SLC9C2: variants seen among roughly 807,000 people sequenced by gnomAD.
The protein encoded by SLC9C2 is solute carrier family 9 member C2 (putative).
In SLC9C2, 75 loss-of-function variants were observed where a neutral mutation model predicts 140.2. That is an observed-to-expected ratio of 0.53 (90% CI 0.44 to 0.65). The LOEUF is 0.65. Among genes scored for constraint, SLC9C2 ranks in the 30% least tolerant of loss-of-function variants. The probability of loss-of-function intolerance (pLI) is 0.00; values close to 1 mark genes in which losing one functional copy is unlikely to be tolerated. For missense variants in SLC9C2, 1,074 were observed against 1,331.8 expected (o/e 0.81, Z 3.01); for synonymous variants, 375 against 420.9 (o/e 0.89, Z 1.34).
chr1:173,585,697 T>G (rs1458051634), intron 5 of SLC9C2, among the ~76,000 whole-genome samples: 1 of 152,212 alleles, frequency 6.6e-6, no homozygotes, highest in Non-Finnish European at 1.5e-5. Context: ...CCGGGTGCAG[T>G]GGCTCATGCC....
chr1:173,507,583 T>C (rs1381357920), intron 24 of SLC9C2, among the ~76,000 whole-genome samples: 1 of 152,130 alleles, frequency 6.6e-6, no homozygotes, highest in African/African-American at 2.4e-5. Context: ...TATCCTGGAA[T>C]GTGACCTTAT....
chr1:173,516,331 A>C (rs1660417094), intron 23 of SLC9C2, among the ~76,000 whole-genome samples: 1 of 152,196 alleles, frequency 6.6e-6, no homozygotes, highest in Admixed American at 6.5e-5. Context: ...TTAAGTTTTA[A>C]GTTCAGTGGT....
intron 17 of SLC9C2, among the ~76,000 whole-genome samples, chr1:173,530,273 C>T (rs1661490930): frequency 6.6e-6 from 1 of 152,150 alleles, no homozygotes; most frequent in East Asian, 1.9e-4. Flanking sequence ...CCAGGTGATT[C>T]TGTGCCTACA....
At chr1:173,593,433 T>A (rs2102259343) in intron 4 of SLC9C2, among the ~76,000 whole-genome samples, 1 of 152,302 alleles carries the variant, frequency 6.6e-6, no homozygotes. Context: ...GGCAGGAGAA[T>A]CACTTGAACC....
intron 9 of SLC9C2, among the ~76,000 whole-genome samples, chr1:173,558,358 AAT>A (rs896381705): frequency 4.0e-4 from 61 of 152,286 alleles, no homozygotes; most frequent in African/African-American, 1.4e-3. Context: ...AGGCTTACTA[AAT>A]AACCTTTCCC....
intron 13 of SLC9C2, 29 bp downstream of exon 13, chr1:173,547,660 T>C (rs371358577): frequency 6.4e-7 from 1 of 1,567,534 alleles, no homozygotes; most frequent in Non-Finnish European, 8.7e-7. Context: ...AGAAAGGAAA[T>C]TTTAAAACAT....
At chr1:173,590,014 G>A (rs775265046) in intron 4 of SLC9C2, among the ~76,000 whole-genome samples, 9 of 152,184 alleles carry the variant, frequency 5.9e-5, no homozygotes, top group Non-Finnish European at 8.8e-5. Context: ...GGGCCCAGGC[G>A]AGCAGATCTT....
chr1:173,510,682 T>C (rs1348710763), intron 23 of SLC9C2, among the ~76,000 whole-genome samples: 1 of 152,258 alleles, frequency 6.6e-6, no homozygotes, highest in Non-Finnish European at 1.5e-5. Context: ...TTTTTATGGC[T>C]GCACAGTATT....
intron 24 of SLC9C2, among the ~76,000 whole-genome samples, chr1:173,508,009 T>C (rs1571422930): frequency 6.6e-6 from 1 of 152,054 alleles, no homozygotes; most frequent in South Asian, 2.1e-4. Flanking sequence ...TCTAAACATC[T>C]CCACCCCCAT....
chr1:173,587,366 C>A (rs1286971931), intron 5 of SLC9C2, among the ~76,000 whole-genome samples: 1 of 152,030 alleles, frequency 6.6e-6, no homozygotes, highest in Non-Finnish European at 1.5e-5. Context: ...GCTAAGAATT[C>A]ACTGGAACAG....
chr1:173,583,722 A>G, intron 5 of SLC9C2, 100 bp from the exon 6 acceptor site: 1 of 691,230 alleles, frequency 1.4e-6, no homozygotes, highest in South Asian at 2.4e-5. Context: ...AAAAGAAAAA[A>G]GAGAAAGAAC....
chr1:173,576,799 T>G, intron 7 of SLC9C2, 39 bp from the exon 8 acceptor site: 1 of 1,216,180 alleles, frequency 8.2e-7, no homozygotes, highest in Non-Finnish European at 1.2e-6. Context: ...AAATGCAATG[T>G]ATTCATATCT....
intron 2 of SLC9C2, among the ~76,000 whole-genome samples, chr1:173,600,719 C>T (rs1666729319): frequency 1.3e-5 from 2 of 152,276 alleles, no homozygotes; most frequent in South Asian, 2.1e-4. Flanking sequence ...TTCTGCAATG[C>T]TCTTTACTAC....
intron 11 of SLC9C2, among the ~76,000 whole-genome samples, chr1:173,550,913 A>AGAGAGAGAGAGAGAGAGAGAG (rs1361733200): frequency 7.6e-6 from 1 of 131,050 alleles, no homozygotes; most frequent in African/African-American, 2.9e-5. Flanking sequence ...AGAGAGAAGG[A>AGAGAGAGAGAGAGAGAGAGAG]AGGGAAGGGA....
intron 4 of SLC9C2, among the ~76,000 whole-genome samples, chr1:173,593,392 C>A (rs1666278967): frequency 6.6e-6 from 1 of 152,054 alleles, no homozygotes; most frequent in Non-Finnish European, 1.5e-5. Context: ...TGGTGGTGTG[C>A]TCCTGTAATC....
rs114115413 is a variant in SLC9C2 at position 173,547,776 on chromosome 1, G to A, written c.1470C>T (p.His490=). The A allele has an allele frequency of 1.7e-3, 2,809 of 1,608,130 alleles. 48 individuals carry two copies. In the African/African-American group the frequency reaches 0.034, roughly 19 times the overall value. The change falls in exon 13 of 28, where the codon CAC becomes CAT. Residue 490 remains histidine (H), a synonymous_variant. Transcript: ENST00000367714. The stretch of plus-strand genomic sequence containing the variant: ...CTGTCTTCATATCATTATGTGAAAC[G>A]TGGGAAAACTGAACCGTATCAGATG... ...KTRIEYIPFS[H]VSHNDMKTES...
chr1:173,508,356 C>G (rs1296449256), intron 24 of SLC9C2, among the ~76,000 whole-genome samples: 2 of 151,650 alleles, frequency 1.3e-5, no homozygotes, highest in African/African-American at 4.8e-5. Context: ...TCTGTACTTT[C>G]TCATTTATAT....
intron 13 of SLC9C2, among the ~76,000 whole-genome samples, chr1:173,540,216 C>A (rs189944717): frequency 6.6e-6 from 1 of 152,260 alleles, no homozygotes; most frequent in Non-Finnish European, 1.5e-5. Flanking sequence ...GCATCAGCTG[C>A]CAAACCTGCG....
chr1:173,532,852 GC>G (rs1661676212), intron 17 of SLC9C2, among the ~76,000 whole-genome samples: 1 of 152,214 alleles, frequency 6.6e-6, no homozygotes, highest in South Asian at 2.1e-4. Context: ...CTTTAGACCA[GC>G]CTGGACAATA....
Sources: allele counts gnomAD v4.1 joint callset (sites outside exome capture counted in the v4.1 genomes callset), GRCh38; gene constraint gnomAD v4.1.1; transcripts MANE v1.5; gene names NCBI Gene and HGNC (gene_info 2026-07-23, HGNC 2026-07-21).